Variants in TDRD3 observed in about 807,000 individuals in gnomAD.
TDRD3 encodes the protein tudor domain-containing protein 3.
In TDRD3, 45 loss-of-function variants were observed where a neutral mutation model predicts 86.7. The observed-to-expected ratio is 0.52, with a 90% CI of 0.41 to 0.67. The LOEUF is 0.67. TDRD3 is among the 30% of genes least tolerant of loss of function. TDRD3 has a pLI of 0.00. For synonymous variants in TDRD3, 298 were observed against 301.7 expected, an observed-to-expected ratio of 0.99 and a Z score of 0.13; for missense variants, 814 against 889.0, an observed-to-expected ratio of 0.92 and a Z score of 1.07.
chr13:60,436,108 GT>G (rs199775571), intron 1 of TDRD3, among the ~76,000 whole-genome samples: 26,807 of 137,486 alleles, frequency 0.19, 3,000 homozygotes, highest in South Asian at 0.29. Flanking sequence ...TGGATGGGTT[GT>G]TTTTTTTTTT....
At chr13:60,524,761 A>T (rs1283142876) in intron 10 of TDRD3, among the ~76,000 whole-genome samples, 1 of 152,062 alleles carries the variant, frequency 6.6e-6, no homozygotes, top group Non-Finnish European at 1.5e-5. Flanking sequence ...GTATTATTTC[A>T]TTTTGAATGA....
At chr13:60,496,343 A>ATATATATATATC (rs1339973715) in intron 8 of TDRD3, among the ~76,000 whole-genome samples, 4 of 91,582 alleles carry the variant, frequency 4.4e-5, no homozygotes, top group Admixed American at 1.2e-4. Context: ...ATATATATAT[A>ATATATATATATC]TCCTCTAAAG....
intron 12 of TDRD3, among the ~76,000 whole-genome samples, chr13:60,563,343 T>C (rs1958381204): frequency 1.3e-5 from 2 of 152,016 alleles, no homozygotes; most frequent in Non-Finnish European, 2.9e-5. Context: ...CAAATTTCTA[T>C]AGAGAGTTGG....
At chr13:60,414,674 C>T (rs1019666360) in intron 1 of TDRD3, among the ~76,000 whole-genome samples, 5 of 152,034 alleles carry the variant, frequency 3.3e-5, no homozygotes, top group Non-Finnish European at 5.9e-5. Flanking sequence ...TTAGTAAATC[C>T]TAACTATTTG....
intron 12 of TDRD3, among the ~76,000 whole-genome samples, chr13:60,557,736 A>C (rs1958229860): frequency 6.7e-6 from 1 of 149,738 alleles, no homozygotes. Flanking sequence ...TATCTCTCCT[A>C]CCACTCCAAG....
intron 13 of TDRD3, among the ~76,000 whole-genome samples, chr13:60,572,001 A>T (rs186093028): frequency 4.6e-4 from 70 of 152,362 alleles, no homozygotes; most frequent in African/African-American, 1.6e-3. Flanking sequence ...GACAGCTTGG[A>T]AATATGAGCA....
rs570519426 is a variant in TDRD3, at chr13:60,522,822, C to T, written c.1142-5545C>T. Among the ~76,000 whole-genome samples the T allele has an allele frequency of 7.3e-4, 111 of 152,250 alleles. 1 individual carries two copies. The highest frequency in any genetic ancestry group is 1.9e-3 in the South Asian group (9 of 4,822). On this transcript the variant is annotated intron_variant, in intron 10 of 13. Transcript: ENST00000377881. The stretch of plus-strand genomic sequence containing the variant: ...GAGCCTTTGTGATTTCTACATCTCA[C>T]CAGAAATGAACAGATACAGGTGATA...
intron 1 of TDRD3, among the ~76,000 whole-genome samples, chr13:60,406,139 G>A (rs1954228468): frequency 6.6e-6 from 1 of 152,146 alleles, no homozygotes. Flanking sequence ...TTAGGCATTA[G>A]GAAATACCAA....
At chr13:60,403,145 T>A (rs576887833) in intron 1 of TDRD3, among the ~76,000 whole-genome samples, 4 of 152,042 alleles carry the variant, frequency 2.6e-5, no homozygotes, top group African/African-American at 9.6e-5. Flanking sequence ...TTTTTTTTTT[T>A]TTTCTGGTGA....
intron 12 of TDRD3, among the ~76,000 whole-genome samples, chr13:60,562,564 G>T (rs1958359722): frequency 6.6e-6 from 1 of 152,132 alleles, no homozygotes; most frequent in South Asian, 2.1e-4. Context: ...TCAGGCAAAA[G>T]GTGGCTTGGA....
intron 11 of TDRD3, among the ~76,000 whole-genome samples, chr13:60,534,715 C>T (rs1224209391): frequency 6.6e-6 from 1 of 151,940 alleles, no homozygotes; most frequent in East Asian, 1.9e-4. Context: ...CACTTGAGCT[C>T]AGGAGTTTGA....
rs754015671 is a variant in TDRD3, at chr13:60,467,290, A to C, written c.406A>C (p.Lys136Gln). The change falls in exon 5 of 14, where the codon AAA (lysine) becomes CAA (glutamine). Residue 136 changes from lysine (K) to glutamine (Q), a missense_variant. Lys to Gln is a moderately conservative substitution (Grantham distance 53). Coordinates refer to ENST00000377881, the MANE Select transcript of TDRD3 (RefSeq NM_001146070.2). ...TAAGCTCTCAGGCATTGTTGACATA[A>C]AAAATGGATTCCTGCTCTTGAATGA... is the stretch of plus-strand genomic sequence containing the variant. ...KVKLSGIVDIKNGFLLLNDSN... is the reference protein window; with the variant it reads ...KVKLSGIVDIQNGFLLLNDSN... The C allele has an allele frequency of 6.2e-7, 1 of 1,613,930 alleles. No individual in the cohort carries two copies. The highest frequency in any genetic ancestry group is 1.7e-5 in the Admixed American group (1 of 59,976).
intron 12 of TDRD3, among the ~76,000 whole-genome samples, chr13:60,557,052 A>C (rs1287317283): frequency 6.6e-6 from 1 of 151,928 alleles, no homozygotes; most frequent in Non-Finnish European, 1.5e-5. Context: ...TAAAAATACA[A>C]AAAATTAGCC....
At chr13:60,459,735 C>T (rs1955765711) in intron 3 of TDRD3, among the ~76,000 whole-genome samples, 2 of 152,190 alleles carry the variant, frequency 1.3e-5, no homozygotes, top group South Asian at 4.1e-4. Context: ...ATTCTTCTGC[C>T]TCAGCCTCCC....
At chr13:60,463,764 G>A (rs1241294919) in intron 4 of TDRD3, among the ~76,000 whole-genome samples, 3 of 152,136 alleles carry the variant, frequency 2.0e-5, no homozygotes, top group African/African-American at 7.2e-5. Flanking sequence ...ATGAAAAAAT[G>A]CTCAGCATCA....
rs367627008 is a variant in TDRD3, at chr13:60,460,441, A to G, written c.254A>G (p.Asn85Ser). 6.2e-6 allele frequency: 10 copies of G among 1,605,112 alleles called. No individual in the cohort carries two copies. The highest frequency in any genetic ancestry group is 5.9e-6 in the Non-Finnish European group (7 of 1,177,662). ...CGCAATGTTGCTGCACCAAAGGATA[A>G]TGAAGAATCTCAGGCTGCACCAAGG... is the stretch of plus-strand genomic sequence containing the variant. ...KIRNVAAPKD[N>S]EESQAAPRML... Residue 85 changes from asparagine to serine, a missense_variant, in exon 4 of 14, where the codon AAT becomes AGT. Transcript: ENST00000377881.
At chr13:60,432,718 A>G (rs1039676585) in intron 1 of TDRD3, among the ~76,000 whole-genome samples, 1 of 152,190 alleles carries the variant, frequency 6.6e-6, no homozygotes, top group Non-Finnish European at 1.5e-5. Context: ...CATATTTGCT[A>G]AGATCAAAAA....
intron 1 of TDRD3, among the ~76,000 whole-genome samples, chr13:60,407,599 A>G (rs527772315): frequency 6.6e-6 from 1 of 152,186 alleles, no homozygotes; most frequent in Non-Finnish European, 1.5e-5. Flanking sequence ...ATATGTTTGT[A>G]TTTAGTTAGA....
chr13:60,495,559 G>A (rs935805358), intron 8 of TDRD3, among the ~76,000 whole-genome samples: 1 of 151,956 alleles, frequency 6.6e-6, no homozygotes, highest in African/African-American at 2.4e-5. Flanking sequence ...TGCCTCCTGG[G>A]TTCAAGTGAT....
Sources: allele counts gnomAD v4.1 joint callset (sites outside exome capture counted in the v4.1 genomes callset), GRCh38; gene constraint gnomAD v4.1.1; transcripts MANE v1.5; gene names NCBI Gene and HGNC (gene_info 2026-07-23, HGNC 2026-07-21).